HACD1: variants seen among roughly 807,000 people sequenced by gnomAD.
The protein encoded by HACD1 is 3-hydroxyacyl-CoA dehydratase 1, also known as very-long-chain (3R)-3-hydroxyacyl-CoA dehydratase 1.
A neutral mutation model predicts 32.0 loss-of-function variants in HACD1; 41 were observed. The observed-to-expected ratio is 1.28, with a 90% CI of 1.00 to 1.66. The LOEUF is 1.66. Among genes scored for constraint, HACD1 ranks in the 40% most tolerant of loss-of-function variants. HACD1 has a pLI of 0.00. For synonymous variants in HACD1, 142 were observed against 139.0 expected (o/e 1.02, Z -0.15); for missense variants, 396 against 380.1 (o/e 1.04, Z -0.35).
intron 1 of HACD1, among the ~76,000 whole-genome samples, chr10:17,615,224 G>T (rs1234289116): frequency 6.6e-6 from 1 of 152,206 alleles, no homozygotes; most frequent in African/African-American, 2.4e-5. Flanking sequence ...CAGGACAGTG[G>T]AGTCAGAGAG....
At position 17,603,568 on chromosome 10, in the gene HACD1, T is replaced by C; in HGVS notation, c.475A>G (p.Ile159Val). The C allele has an allele frequency of 1.2e-6, 2 of 1,609,096 alleles. No individual in the cohort carries two copies. The highest frequency in any genetic ancestry group is 1.7e-6 in the Non-Finnish European group (2 of 1,175,584). Residue 159 changes from isoleucine to valine, a missense_variant, in exon 4 of 7, where the codon ATA becomes GTA. Ile to Val is a conservative substitution (Grantham distance 29, BLOSUM62 3). Coordinates refer to ENST00000361271, the MANE Select transcript of HACD1 (RefSeq NM_014241.4). ...IFMVWLITHS[I>V]KPIQNEESVV... Reference sequence around the variant, plus strand: ...ATGTTTGTGTCACTTACTGGTTTTATACTGTGAGTAATGAGCCACACCATA... The same window carrying C: ...ATGTTTGTGTCACTTACTGGTTTTACACTGTGAGTAATGAGCCACACCATA...
In HACD1 at chr10:17,617,257, G is replaced by A; in HGVS notation, c.83C>T (p.Pro28Leu). ...GWAGSPPTLLPLSPTSPRCAA... is the reference protein window; with the variant it reads ...GWAGSPPTLLLLSPTSPRCAA... ...GCACCTGGGGGACGTGGGAGACAGC[G>A]GCAGGAGCGTGGGAGGGGACCCTGC... The change falls in exon 1 of 7, where the codon CCG becomes CTG. Residue 28 changes from proline to leucine, a missense_variant. Transcript: ENST00000361271. 3 of 1,476,642 alleles carry A rather than the reference G, an allele frequency of 2.0e-6. No individual in the cohort carries two copies. Among genetic ancestry groups the A allele is most frequent in the Non-Finnish European group, 2.7e-6 (3 of 1,119,586 alleles). 91.5% of individuals were successfully genotyped at this position (1,476,642 alleles called of 1,614,324 possible). A position where few individuals can be genotyped will look rare whatever the true frequency, so the allele number is the denominator to read the frequency against.
intron 1 of HACD1, 68 bp downstream of exon 1, chr10:17,617,015 C>A: frequency 7.5e-7 from 1 of 1,333,280 alleles, no homozygotes; most frequent in South Asian, 1.9e-5. Flanking sequence ...GGCCCGCGCC[C>A]CCTGAACCCG....
intron 1 of HACD1, among the ~76,000 whole-genome samples, chr10:17,607,286 C>G (rs1357146325): frequency 6.6e-6 from 1 of 152,054 alleles, no homozygotes; most frequent in Non-Finnish European, 1.5e-5. Flanking sequence ...TGACCCCTTT[C>G]CACTCTACCC....
intron 1 of HACD1, among the ~76,000 whole-genome samples, chr10:17,606,062 C>T (rs1834143475): frequency 6.6e-6 from 1 of 151,846 alleles, no homozygotes; most frequent in Non-Finnish European, 1.5e-5. Flanking sequence ...GTGGTTCCAG[C>T]TACTTGGAAG....
At chr10:17,603,387 C>G (rs1053612647) in intron 4 of HACD1, 173 bp downstream of exon 4, 8 of 559,026 alleles carry the variant, frequency 1.4e-5, no homozygotes, top group African/African-American at 1.3e-4. Context: ...GTTTGTGTAT[C>G]AAAGTCATTC....
chr10:17,614,724 G>A (rs1165946017), intron 1 of HACD1, among the ~76,000 whole-genome samples: 1 of 92 alleles, frequency 0.011, no homozygotes, highest in Non-Finnish European at 0.036. Flanking sequence ...AAAAAAAAAG[G>A]AAATAACAAG....
At chr10:17,593,905 A>G (rs555216050) in intron 6 of HACD1, among the ~76,000 whole-genome samples, 37 of 152,324 alleles carry the variant, frequency 2.4e-4, no homozygotes, top group African/African-American at 8.9e-4. Context: ...CTAATGCTTT[A>G]AACATGATTT....
At chr10:17,617,010 G>C (rs1293868634) in intron 1 of HACD1, 73 bp downstream of exon 1, 11 of 1,293,378 alleles carry the variant, frequency 8.5e-6, no homozygotes, top group Non-Finnish European at 1.1e-5. Context: ...ACCCCGGCCC[G>C]CGCCCCCTGA....
intron 6 of HACD1, among the ~76,000 whole-genome samples, chr10:17,591,269 G>A (rs782307393): frequency 3.3e-5 from 5 of 152,104 alleles, no homozygotes; most frequent in Admixed American, 2.0e-4. Context: ...TCAGGGGTGC[G>A]TATACTGATA....
At chr10:17,591,217 C>T (rs1833923653) in intron 6 of HACD1, among the ~76,000 whole-genome samples, 1 of 149,820 alleles carries the variant, frequency 6.7e-6, no homozygotes, top group Non-Finnish European at 1.5e-5. Flanking sequence ...AAGCTTCATC[C>T]ATACCCCTCA....
intron 4 of HACD1, among the ~76,000 whole-genome samples, chr10:17,600,428 G>A (rs1211698753): frequency 6.6e-6 from 1 of 151,906 alleles, no homozygotes; most frequent in African/African-American, 2.4e-5. Context: ...CAACCTCCAC[G>A]TCCTAGGTTC....
At chr10:17,614,185 G>C (rs1257752173) in intron 1 of HACD1, among the ~76,000 whole-genome samples, 2 of 152,216 alleles carry the variant, frequency 1.3e-5, no homozygotes, top group African/African-American at 4.8e-5. Context: ...GCTCACACCT[G>C]TAATCCCAGC....
rs895755933 is a variant in HACD1 at position 17,617,304 on chromosome 10, G to T, written c.36C>A (p.Ser12Arg). 6.9e-7 allele frequency: 1 copy of T among 1,443,704 alleles called. No individual in the cohort carries two copies. Among genetic ancestry groups the T allele is most frequent in the Non-Finnish European group, 9.1e-7 (1 of 1,104,442 alleles). 89.4% of individuals were successfully genotyped at this position (1,443,704 alleles called of 1,614,324 possible). ...CTGCCCAGCCTGCAGCCCGAGAGCC[G>T]CTGCCCGCTGCCGCCGCTTCCGTCA... ...GRLTEAAAAG[S>R]GSRAAGWAGS... Residue 12 changes from serine (S) to arginine (R), a missense_variant, in exon 1 of 7, where the codon AGC becomes AGA. Transcript: ENST00000361271.
At chr10:17,597,045 T>C (rs1482983040) in intron 5 of HACD1, among the ~76,000 whole-genome samples, 1 of 152,230 alleles carries the variant, frequency 6.6e-6, no homozygotes, top group Non-Finnish European at 1.5e-5. Context: ...CTTTTTGACA[T>C]GAAACATAAT....
chr10:17,598,259 C>CAAAAA (rs34543137), intron 5 of HACD1, among the ~76,000 whole-genome samples: 72 of 89,524 alleles, frequency 8.0e-4, no homozygotes, highest in African/African-American at 2.0e-3. Context: ...GACCCTGTCT[C>CAAAAA]AAAAAAAAAA....
intron 5 of HACD1, among the ~76,000 whole-genome samples, chr10:17,595,639 ACT>A (rs1833986211): frequency 1.3e-5 from 2 of 151,860 alleles, no homozygotes; most frequent in African/African-American, 4.8e-5. Context: ...ATTAGGAAAC[ACT>A]CTGTGTTCTA....
chr10:17,603,704 T>A (rs1554816757), intron 3 of HACD1, 22 bp downstream of exon 3: 1 of 1,604,734 alleles, frequency 6.2e-7, no homozygotes, highest in Admixed American at 1.7e-5. Context: ...AATAAAAGTA[T>A]AAAATTGAAG....
intron 6 of HACD1, among the ~76,000 whole-genome samples, chr10:17,591,004 T>G (rs1297796834): frequency 6.6e-6 from 1 of 152,118 alleles, no homozygotes. Context: ...CAAACTTAAA[T>G]ACCTTGATAA....
Sources: allele counts gnomAD v4.1 joint callset (sites outside exome capture counted in the v4.1 genomes callset), GRCh38; gene constraint gnomAD v4.1.1; transcripts MANE v1.5; gene names NCBI Gene and HGNC (gene_info 2026-07-23, HGNC 2026-07-21).